Variants in MCF2L2 observed in about 807,000 individuals in gnomAD.
MCF2L2 encodes MCF.2 cell line derived transforming sequence-like 2.
MCF2L2 carries 102 observed loss-of-function variants against 150.2 expected under a neutral mutation model. The ratio of observed to expected loss-of-function variants is 0.68; its 90% CI spans 0.58 to 0.80. The LOEUF (loss-of-function observed/expected upper bound fraction) is 0.80. Ranked by LOEUF, MCF2L2 falls within the 30% of genes least tolerant of loss-of-function variation. The pLI is 0.00. For missense variants in MCF2L2, 1,256 were observed against 1,372.8 expected (o/e 0.91, Z 1.34); for synonymous variants, 465 against 491.3 (o/e 0.95, Z 0.71).
At chr3:183,303,064 C>G (rs1278794483) in intron 10 of MCF2L2, among the ~76,000 whole-genome samples, 3 of 151,816 alleles carry the variant, frequency 2.0e-5, no homozygotes, top group Non-Finnish European at 4.4e-5. Flanking sequence ...CATGGTGGCA[C>G]ACACCTGTAG....
intron 3 of MCF2L2, among the ~76,000 whole-genome samples, chr3:183,356,917 G>T (rs1711819926): frequency 6.6e-6 from 1 of 152,174 alleles, no homozygotes. Flanking sequence ...ACACTCTTAT[G>T]AAAAGGGAGC....
In MCF2L2 at chr3:183,227,503, T is replaced by C. The variant is rs1344832129; in HGVS notation, c.2115+794A>G. 9.9e-5 allele frequency: 15 copies of C among 152,258 alleles called. No individual in the cohort carries two copies. The highest frequency in any genetic ancestry group is 9.8e-4 in the Admixed American group (15 of 15,288). The allele number at this position is 152,258 out of a possible 1,614,324, so 9.4% of individuals were successfully genotyped here. ...AAATAGAATGGAAAGAAAATGTATT[T>C]CCTGAGGTTTTTAGTTTAACACCAG... On this transcript the variant is annotated intron_variant, in intron 18 of 29. Transcript: ENST00000328913. This position sits in a 1 kb window ranked among gnomAD's most constrained non-coding sequence, Gnocchi z 4.0.
chr3:183,353,530 G>A (rs1231051286), intron 3 of MCF2L2, among the ~76,000 whole-genome samples: 1 of 152,192 alleles, frequency 6.6e-6, no homozygotes, highest in East Asian at 1.9e-4. Flanking sequence ...GGAGGCTTCA[G>A]GAAACTTACA....
intron 1 of MCF2L2, among the ~76,000 whole-genome samples, chr3:183,407,152 C>A (rs1486355747): frequency 6.6e-6 from 1 of 152,120 alleles, no homozygotes; most frequent in Non-Finnish European, 1.5e-5. Context: ...ATACCTTTGT[C>A]AAAAATCATT....
At chr3:183,190,749 G>T (rs974810028) in intron 27 of MCF2L2, among the ~76,000 whole-genome samples, 15 of 152,214 alleles carry the variant, frequency 9.9e-5, no homozygotes, top group African/African-American at 3.6e-4. Flanking sequence ...GCACAACGGT[G>T]AGCCATTGTC....
chr3:183,342,188 G>A (rs1730727301), intron 3 of MCF2L2, among the ~76,000 whole-genome samples: 1 of 152,312 alleles, frequency 6.6e-6, no homozygotes, highest in Middle Eastern at 3.4e-3. Flanking sequence ...GAAGCTGTTT[G>A]GTCCCCTCTC....
chr3:183,354,110 A>G (rs1265220720), intron 3 of MCF2L2, among the ~76,000 whole-genome samples: 1 of 152,204 alleles, frequency 6.6e-6, no homozygotes, highest in African/African-American at 2.4e-5. Flanking sequence ...TTCAGGCTCA[A>G]ATGTCCAGCA....
chr3:183,338,130 T>C (rs1191369431), intron 5 of MCF2L2, among the ~76,000 whole-genome samples: 1 of 152,022 alleles, frequency 6.6e-6, no homozygotes, highest in African/African-American at 2.4e-5. Context: ...AGACTAATTT[T>C]ACCATGTCAC....
intron 1 of MCF2L2, among the ~76,000 whole-genome samples, chr3:183,395,624 A>G (rs1714393362): frequency 6.6e-6 from 1 of 152,212 alleles, no homozygotes; most frequent in Non-Finnish European, 1.5e-5. Context: ...ACAGATCAAG[A>G]AATGGAATAT....
At chr3:183,381,358 G>A (rs538448732) in intron 2 of MCF2L2, among the ~76,000 whole-genome samples, 1 of 152,290 alleles carries the variant, frequency 6.6e-6, no homozygotes, top group East Asian at 1.9e-4. Flanking sequence ...TCTAAGGAGA[G>A]AGGGCCAGCC....
chr3:183,350,212 CAGAA>C (rs1316752179), intron 3 of MCF2L2, among the ~76,000 whole-genome samples: 1 of 152,080 alleles, frequency 6.6e-6, no homozygotes, highest in Non-Finnish European at 1.5e-5. Flanking sequence ...GGCCACAGTT[CAGAA>C]AGAGACAAGG....
At chr3:183,291,881 CTGCT>C (rs1252420865) in intron 13 of MCF2L2, among the ~76,000 whole-genome samples, 2 of 152,184 alleles carry the variant, frequency 1.3e-5, no homozygotes, top group African/African-American at 4.8e-5. Flanking sequence ...CCTGTAATTC[CTGCT>C]TTATTTACTT....
chr3:183,265,471 T>C (rs1726010055), intron 15 of MCF2L2: 2 of 152,282 alleles, frequency 1.3e-5, no homozygotes, highest in Non-Finnish European at 2.9e-5. Flanking sequence ...AGCTGTGCTT[T>C]AGAGAAGCTT....
intron 17 of MCF2L2, 96 bp downstream of exon 17, chr3:183,229,570 A>C: frequency 3.1e-6 from 2 of 635,804 alleles, no homozygotes; most frequent in South Asian, 4.4e-5. Flanking sequence ...CTTAAACCTG[A>C]AAACATCTAA....
At chr3:183,284,155 C>T (rs767863028) in intron 14 of MCF2L2, among the ~76,000 whole-genome samples, 28 of 152,114 alleles carry the variant, frequency 1.8e-4, no homozygotes, top group South Asian at 4.1e-4. Context: ...GCAAGGCCAA[C>T]GTTGATCTTA....
chr3:183,295,223 G>A (rs960467938), intron 13 of MCF2L2, 77 bp downstream of exon 13: 27 of 1,420,688 alleles, frequency 1.9e-5, no homozygotes, highest in Non-Finnish European at 2.4e-5. Flanking sequence ...ATTATCCATT[G>A]TAGACAACCA....
At chr3:183,371,598 G>C (rs1444314531) in intron 3 of MCF2L2, among the ~76,000 whole-genome samples, 4 of 151,038 alleles carry the variant, frequency 2.6e-5, no homozygotes, top group African/African-American at 9.7e-5. Context: ...CTCCCAAGTA[G>C]CTGGGATTAC....
intron 3 of MCF2L2, among the ~76,000 whole-genome samples, chr3:183,352,658 G>A (rs904968066): frequency 1.3e-5 from 2 of 152,126 alleles, no homozygotes; most frequent in African/African-American, 4.8e-5. Flanking sequence ...GCGCTTTGAG[G>A]GACATCAGTA....
chr3:183,196,790 T>C (rs935372663), intron 25 of MCF2L2, among the ~76,000 whole-genome samples: 6 of 152,180 alleles, frequency 3.9e-5, no homozygotes, highest in Non-Finnish European at 7.3e-5. Flanking sequence ...TTCAGTTCAG[T>C]AGTGTTTTCT....
Sources: allele counts gnomAD v4.1 joint callset (sites outside exome capture counted in the v4.1 genomes callset), GRCh38; gene constraint gnomAD v4.1.1; non-coding constraint Gnocchi (gnomAD v3.1); transcripts MANE v1.5; gene names NCBI Gene and HGNC (gene_info 2026-07-23, HGNC 2026-07-21).